FAT3: variants seen among roughly 807,000 people sequenced by gnomAD.
The protein encoded by FAT3 is FAT atypical cadherin 3, also known as protocadherin Fat 3.
In FAT3, 95 loss-of-function variants were observed where a neutral mutation model predicts 310.2. That is an observed-to-expected ratio of 0.31 (90% CI 0.26 to 0.36). The LOEUF (loss-of-function observed/expected upper bound fraction) is 0.36, where lower values mean the gene tolerates loss of function less well. Ranked by LOEUF, FAT3 falls within the 10% of genes least tolerant of loss-of-function variation. The pLI, the probability that FAT3 is intolerant of heterozygous loss-of-function variation, is 1.00. For missense variants in FAT3, 5,408 were observed against 5,715.6 expected, an observed-to-expected ratio of 0.95 and a Z score of 1.74; for synonymous variants, 2,314 against 2,192.9, an observed-to-expected ratio of 1.06 and a Z score of -1.54.
At chr11:92,888,835 G>T (rs950407528) in intron 25 of FAT3, among the ~76,000 whole-genome samples, 2 of 152,150 alleles carry the variant, frequency 1.3e-5, no homozygotes, top group African/African-American at 4.8e-5. Flanking sequence ...GAGCCTTTGG[G>T]AGTTGTTAAC....
intron 2 of FAT3, among the ~76,000 whole-genome samples, chr11:92,380,874 A>T (rs1286977188): frequency 1.3e-5 from 2 of 152,166 alleles, no homozygotes; most frequent in Non-Finnish European, 2.9e-5. Context: ...ATTAAGGTCA[A>T]ACTCACATAG....
intron 2 of FAT3, among the ~76,000 whole-genome samples, chr11:92,445,092 C>T (rs973551267): frequency 2.0e-5 from 3 of 152,136 alleles, no homozygotes; most frequent in African/African-American, 2.4e-5. Context: ...ACAGAAGAAA[C>T]GAAATCTGCT....
chr11:92,323,157 T>A (rs1266774081), intron 1 of FAT3, among the ~76,000 whole-genome samples: 1 of 152,152 alleles, frequency 6.6e-6, no homozygotes, highest in East Asian at 1.9e-4. Flanking sequence ...TATATCTCCA[T>A]CAGAGCTCTT....
chr11:92,791,530 T>A (rs1239587654), intron 8 of FAT3, among the ~76,000 whole-genome samples: 1 of 152,200 alleles, frequency 6.6e-6, no homozygotes, highest in Non-Finnish European at 1.5e-5. Context: ...AACTCAGAAA[T>A]CAGTTTGGTC....
chr11:92,472,133 A>T (rs1364181598), intron 2 of FAT3, among the ~76,000 whole-genome samples: 1 of 151,920 alleles, frequency 6.6e-6, no homozygotes, highest in Admixed American at 6.6e-5. Context: ...GCTTTACAAG[A>T]GTTTCTGTTA....
intron 2 of FAT3, among the ~76,000 whole-genome samples, chr11:92,412,585 A>G (rs933448440): frequency 5.4e-5 from 8 of 146,936 alleles, no homozygotes; most frequent in African/African-American, 1.5e-4. Context: ...ATTCCCACAT[A>G]GATACATTTT....
intron 2 of FAT3, among the ~76,000 whole-genome samples, chr11:92,456,131 T>TG (rs1472582576): frequency 6.6e-6 from 1 of 152,278 alleles, no homozygotes; most frequent in East Asian, 1.9e-4. Context: ...CAGGGTGACT[T>TG]GGGCAAGTTA....
chr11:92,785,811 CTA>C (rs1946876527), intron 7 of FAT3, among the ~76,000 whole-genome samples: 1 of 152,078 alleles, frequency 6.6e-6, no homozygotes, highest in African/African-American at 2.4e-5. Flanking sequence ...ATTAAAAATA[CTA>C]TCCAGTTTCT....
intron 2 of FAT3, among the ~76,000 whole-genome samples, chr11:92,467,536 T>C (rs1951796717): frequency 6.6e-6 from 1 of 152,166 alleles, no homozygotes; most frequent in Admixed American, 6.6e-5. Context: ...AATGCCCTTA[T>C]CCTTGGGCCT....
chr11:92,881,750 T>C (rs1452222648), intron 23 of FAT3, among the ~76,000 whole-genome samples: 1 of 152,166 alleles, frequency 6.6e-6, no homozygotes, highest in African/African-American at 2.4e-5. Context: ...TCTCAAATAA[T>C]ACTAAGCTAA....
At chr11:92,516,791 T>G (rs1033586312) in intron 2 of FAT3, among the ~76,000 whole-genome samples, 1 of 152,132 alleles carries the variant, frequency 6.6e-6, no homozygotes, top group Admixed American at 6.6e-5. Flanking sequence ...TTCAGCAAAG[T>G]CTCAGGATAC....
chr11:92,741,885 G>A (rs1466665930), intron 4 of FAT3, among the ~76,000 whole-genome samples: 2 of 152,126 alleles, frequency 1.3e-5, no homozygotes, highest in African/African-American at 2.4e-5. Context: ...CCAACCAACA[G>A]GATATCTACC....
chr11:92,851,094 G>T (rs1461071747), intron 19 of FAT3, among the ~76,000 whole-genome samples: 3 of 152,182 alleles, frequency 2.0e-5, no homozygotes, highest in Admixed American at 6.5e-5. Context: ...CAACACAGGT[G>T]CATGTTCCTG....
At chr11:92,693,674 G>A (rs1372539279) in intron 3 of FAT3, among the ~76,000 whole-genome samples, 2 of 152,144 alleles carry the variant, frequency 1.3e-5, no homozygotes, top group Admixed American at 6.5e-5. Flanking sequence ...GTAGCTCATC[G>A]TAAGTAGGTA....
At position 92,844,141 on chromosome 11, in the gene FAT3, C is replaced by G; in HGVS notation, c.10774C>G (p.Gln3592Glu). 1 of 1,613,960 alleles carries G rather than the reference C, an allele frequency of 6.2e-7. No homozygotes were observed. Among genetic ancestry groups the G allele is most frequent in the Non-Finnish European group, 8.5e-7 (1 of 1,179,904 alleles). The change falls in exon 19 of 28, where the codon CAG becomes GAG. Residue 3592 changes from glutamine to glutamate, a missense_variant. Physicochemically the swap from Gln to Glu is conservative, Grantham distance 29 (BLOSUM62 2). This residue lies in a region of FAT3 where 4,588 missense variants were observed against 4,809.8 expected (regional missense o/e 0.95). Coordinates refer to ENST00000525166, the MANE Select transcript of FAT3 (RefSeq NM_001367949.2). ...GCTCACATTTGCCCTGAAATCGGAG[C>G]AGAAAAGCTTATTTAAAGTGAACAG... ...DVLTFALKSE[Q>E]KSLFKVNSHD...
intron 1 of FAT3, among the ~76,000 whole-genome samples, chr11:92,226,388 G>T (rs1263386181): frequency 6.7e-6 from 1 of 148,994 alleles, no homozygotes; most frequent in Non-Finnish European, 1.5e-5. Context: ...ACTTTCCACC[G>T]TTCTCCTCTT....
At chr11:92,504,634 GAA>G (rs1953045908) in intron 2 of FAT3, among the ~76,000 whole-genome samples, 2 of 151,964 alleles carry the variant, frequency 1.3e-5, no homozygotes, top group South Asian at 4.1e-4. Context: ...CTTTCTACAA[GAA>G]TAGCTATCTT....
chr11:92,626,921 T>C (rs544288074), intron 3 of FAT3, among the ~76,000 whole-genome samples: 12 of 152,308 alleles, frequency 7.9e-5, no homozygotes, highest in South Asian at 2.1e-4. Context: ...GTAAGAGCCA[T>C]TTGATATAAT....
At chr11:92,819,475 T>C (rs1458708154) in intron 13 of FAT3, among the ~76,000 whole-genome samples, 1 of 152,212 alleles carries the variant, frequency 6.6e-6, no homozygotes, top group Non-Finnish European at 1.5e-5. Flanking sequence ...GTGATGTTGA[T>C]GCTGCTGTTC....
Sources: allele counts gnomAD v4.1 joint callset (sites outside exome capture counted in the v4.1 genomes callset), GRCh38; gene constraint gnomAD v4.1.1; regional missense constraint gnomAD v4.1.1; transcripts MANE v1.5; gene names NCBI Gene and HGNC (gene_info 2026-07-23, HGNC 2026-07-21).